The following ITFG1 variants were observed in gnomAD, a reference collection of about 807,000 sequenced individuals.
ITFG1 encodes the protein integrin alpha FG-GAP repeat containing 1.
ITFG1 carries 34 observed loss-of-function variants against 81.8 expected under a neutral mutation model. The ratio of observed to expected loss-of-function variants is 0.42; its 90% CI spans 0.32 to 0.55. ITFG1 has a LOEUF of 0.55. Ranked by LOEUF, ITFG1 falls within the 20% of genes least tolerant of loss-of-function variation. The pLI is 0.17. For synonymous variants in ITFG1, 285 were observed against 270.6 expected, an observed-to-expected ratio of 1.05 and a Z score of -0.52; for missense variants, 672 against 755.4, an observed-to-expected ratio of 0.89 and a Z score of 1.29.
intron 13 of ITFG1, among the ~76,000 whole-genome samples, chr16:47,221,863 T>G (rs1249569796): frequency 6.6e-6 from 1 of 152,236 alleles, no homozygotes; most frequent in Non-Finnish European, 1.5e-5. Flanking sequence ...TTTTCTAGTT[T>G]ATTTGCGTAG....
chr16:47,387,228 T>C (rs544344291), intron 6 of ITFG1, among the ~76,000 whole-genome samples: 8 of 152,302 alleles, frequency 5.3e-5, no homozygotes, highest in Middle Eastern at 3.4e-3. Context: ...CTGTAGCCTC[T>C]GAGGAGCAAC....
chr16:47,371,417 A>G (rs1968252328), intron 7 of ITFG1, among the ~76,000 whole-genome samples: 1 of 152,192 alleles, frequency 6.6e-6, no homozygotes, highest in Non-Finnish European at 1.5e-5. Context: ...TACTGCTACC[A>G]CAACTACCAA....
Position 47,229,563 on chromosome 16 carries a change from T to A in ITFG1, c.1374+8402A>T, listed in dbSNP as rs148299880. Among the ~76,000 whole-genome samples the A allele has an allele frequency of 2.2e-3, 335 of 151,684 alleles. 2 individuals carry two copies. The highest frequency in any genetic ancestry group is 3.8e-3 in the Non-Finnish European group (255 of 67,936). On this transcript the variant is annotated intron_variant, in intron 13 of 17. Coordinates refer to ENST00000320640, the MANE Select transcript of ITFG1 (RefSeq NM_030790.5). ...GTGTTTTAGAAAGATCACTGTTGTA[T>A]GTTTTTGAAGGATAGCTTAGATAAC... is the stretch of plus-strand genomic sequence containing the variant.
intron 12 of ITFG1, among the ~76,000 whole-genome samples, chr16:47,257,630 C>A (rs1341095638): frequency 6.6e-6 from 1 of 152,146 alleles, no homozygotes; most frequent in Admixed American, 6.5e-5. Context: ...GAAATTATTG[C>A]AACGAATTCA....
chr16:47,452,843 T>C (rs1255607920), intron 3 of ITFG1, 53 bp from the exon 4 acceptor site: 21 of 915,480 alleles, frequency 2.3e-5, no homozygotes, highest in Non-Finnish European at 3.0e-5. Flanking sequence ...ATATTACTTT[T>C]GATATCTATG....
chr16:47,275,414 A>C (rs560336041), intron 10 of ITFG1, among the ~76,000 whole-genome samples: 1 of 152,282 alleles, frequency 6.6e-6, no homozygotes, highest in Admixed American at 6.5e-5. Flanking sequence ...TAGCTATATA[A>C]AATACAGTAC....
intron 10 of ITFG1, among the ~76,000 whole-genome samples, chr16:47,299,140 C>T (rs1006098721): frequency 2.6e-5 from 4 of 152,244 alleles, no homozygotes; most frequent in Middle Eastern, 3.4e-3. Context: ...TACCTTTACT[C>T]GCCTTTGTCT....
At chr16:47,170,584 C>T (rs770126656) in intron 14 of ITFG1, among the ~76,000 whole-genome samples, 7 of 151,864 alleles carry the variant, frequency 4.6e-5, no homozygotes, top group African/African-American at 7.3e-5. Flanking sequence ...CATGCATCAC[C>T]ACACCCAGCT....
intron 5 of ITFG1, among the ~76,000 whole-genome samples, chr16:47,446,671 TC>T (rs1290712712): frequency 6.6e-6 from 1 of 151,982 alleles, no homozygotes. Flanking sequence ...CTGATAAAAA[TC>T]AAGTATTTGT....
intron 8 of ITFG1, among the ~76,000 whole-genome samples, chr16:47,340,420 T>C (rs1007136803): frequency 2.0e-5 from 3 of 152,162 alleles, no homozygotes; most frequent in African/African-American, 7.2e-5. Flanking sequence ...AGCTATATAG[T>C]AGCAGAGTTT....
chr16:47,285,220 G>A (rs1966865344), intron 10 of ITFG1, among the ~76,000 whole-genome samples: 2 of 152,118 alleles, frequency 1.3e-5, no homozygotes, highest in Admixed American at 1.3e-4. Context: ...ATACCCTGGG[G>A]GAAGAATGCT....
intron 6 of ITFG1, among the ~76,000 whole-genome samples, chr16:47,415,706 A>C (rs1968865200): frequency 6.6e-6 from 1 of 152,176 alleles, no homozygotes; most frequent in African/African-American, 2.4e-5. Flanking sequence ...TCATCCAATG[A>C]TAATTCAAAA....
intron 6 of ITFG1, among the ~76,000 whole-genome samples, chr16:47,428,465 T>C (rs1265879442): frequency 2.6e-5 from 4 of 152,156 alleles, no homozygotes; most frequent in Non-Finnish European, 4.4e-5. Context: ...AAGATTTTTC[T>C]TATTGTTAAA....
chr16:47,395,726 C>T (rs1291892429), intron 6 of ITFG1, among the ~76,000 whole-genome samples: 1 of 152,200 alleles, frequency 6.6e-6, no homozygotes, highest in Non-Finnish European at 1.5e-5. Context: ...TATTTACCGG[C>T]ACCATATACT....
At chr16:47,202,365 G>C (rs1965436069) in intron 14 of ITFG1, 1 of 152,076 alleles carries the variant, frequency 6.6e-6, no homozygotes, top group Non-Finnish European at 1.5e-5. Flanking sequence ...CCACAACCTT[G>C]ATAAACTCAG....
intron 8 of ITFG1, among the ~76,000 whole-genome samples, chr16:47,350,389 C>T (rs868430461): frequency 2.0e-5 from 3 of 152,164 alleles, no homozygotes; most frequent in Non-Finnish European, 4.4e-5. Context: ...GATATCACCA[C>T]CGATCCCACA....
At chr16:47,221,038 G>C (rs1479758998) in intron 13 of ITFG1, among the ~76,000 whole-genome samples, 1 of 152,180 alleles carries the variant, frequency 6.6e-6, no homozygotes, top group African/African-American at 2.4e-5. Flanking sequence ...AGCTTTGCAA[G>C]TAGGGTAGCT....
chr16:47,188,277 G>T lies in ITFG1; in HGVS notation c.1454-25613C>A, dbSNP rs150454790. Among the ~76,000 whole-genome samples the T allele has an allele frequency of 5.8e-4, 88 of 152,136 alleles. 1 individual carries two copies. In the East Asian group the frequency reaches 0.01, roughly 18 times the overall value. ...CCCATTACTGGGTATATACCCAAAG[G>T]ACTATAAATCATGCTACTATAAAGA... On this transcript the variant is annotated intron_variant, in intron 14 of 17. Coordinates refer to ENST00000320640, the MANE Select transcript of ITFG1 (RefSeq NM_030790.5).
intron 8 of ITFG1, among the ~76,000 whole-genome samples, chr16:47,347,059 T>C (rs775248228): frequency 6.6e-6 from 1 of 152,132 alleles, no homozygotes; most frequent in South Asian, 2.1e-4. Context: ...TCACCACGAT[T>C]GGGGCGGTTC....
Sources: gnomAD v4.1 joint callset for allele counts (sites outside exome capture counted in the v4.1 genomes callset) on GRCh38, gnomAD v4.1.1 for gene constraint, MANE v1.5 for transcripts, NCBI Gene and HGNC (gene_info 2026-07-23, HGNC 2026-07-21) for gene names.